The following MYO10 variants were observed in gnomAD, a reference collection of about 807,000 sequenced individuals.
MYO10 encodes unconventional myosin-X.
A neutral mutation model predicts 257.3 loss-of-function variants in MYO10; 133 were observed. The ratio of observed to expected loss-of-function variants is 0.52; its 90% CI spans 0.45 to 0.60. MYO10 has a LOEUF of 0.60. MYO10 is among the 20% of genes least tolerant of loss of function. The pLI is 0.00. For missense variants in MYO10, 2,399 were observed against 2,635.7 expected, an observed-to-expected ratio of 0.91 and a Z score of 1.97; for synonymous variants, 1,104 against 1,028.6, an observed-to-expected ratio of 1.07 and a Z score of -1.40.
At chr5:16,862,257 G>A (rs1744128912) in intron 2 of MYO10, among the ~76,000 whole-genome samples, 1 of 152,198 alleles carries the variant, frequency 6.6e-6, no homozygotes, top group Admixed American at 6.5e-5. Flanking sequence ...CATCATCCCT[G>A]CCCTCAGTGC....
chr5:16,868,268 T>G (rs551268607), intron 2 of MYO10, among the ~76,000 whole-genome samples: 4 of 152,226 alleles, frequency 2.6e-5, no homozygotes, highest in Non-Finnish European at 5.9e-5. Context: ...CTTCTTACCC[T>G]TTTACATGAG....
chr5:16,748,555 C>T (rs187883097), intron 19 of MYO10, among the ~76,000 whole-genome samples: 4 of 119,362 alleles, frequency 3.4e-5, no homozygotes, highest in African/African-American at 9.5e-5. Context: ...TGCTCCTGGT[C>T]AGGTCTGAAA....
chr5:16,756,214 A>G (rs1212851032), intron 18 of MYO10, among the ~76,000 whole-genome samples: 2 of 152,124 alleles, frequency 1.3e-5, no homozygotes, highest in Non-Finnish European at 2.9e-5. Flanking sequence ...CTGGGAATAC[A>G]AGGGCATGCC....
chr5:16,871,161 C>T (rs1006844678), intron 2 of MYO10, among the ~76,000 whole-genome samples: 1 of 152,174 alleles, frequency 6.6e-6, no homozygotes, highest in Non-Finnish European at 1.5e-5. Flanking sequence ...AACAATATCC[C>T]CATTAAACAG....
In MYO10 at chr5:16,666,801, G is replaced by C. The variant is rs755395586; in HGVS notation, c.6076-8C>G. The C allele has an allele frequency of 7.6e-6, 12 of 1,588,744 alleles. No individual in the cohort carries two copies. The highest frequency in any genetic ancestry group is 1.0e-5 in the Non-Finnish European group (12 of 1,169,028). ...CTTGGCCACATCCACCACCTGCCCA[G>C]GGGGAAGCAGAACCGACACAGCGTC... On this transcript the variant is annotated splice_region_variant and splice_polypyrimidine_tract_variant and intron_variant, in intron 40 of 40. Transcript: ENST00000513610.
chr5:16,931,138 G>A (rs1413731043), intron 1 of MYO10, among the ~76,000 whole-genome samples: 1 of 152,060 alleles, frequency 6.6e-6, no homozygotes, highest in Non-Finnish European at 1.5e-5. Context: ...GGGTGTGGTG[G>A]TGCATGTTTG....
chr5:16,816,184 C>G (rs1238820614), intron 3 of MYO10, among the ~76,000 whole-genome samples: 1 of 151,438 alleles, frequency 6.6e-6, no homozygotes, highest in Admixed American at 6.6e-5. Context: ...ACTGAAAATA[C>G]AAAAATTAGC....
chr5:16,702,375 G>C (rs113830423), intron 24 of MYO10, among the ~76,000 whole-genome samples, 168 bp downstream of exon 24: 1 of 152,180 alleles, frequency 6.6e-6, no homozygotes, highest in East Asian at 1.9e-4. Context: ...CATTCACTAC[G>C]CTTTACCCAA....
At chr5:16,718,893 G>GT (rs1424850106) in intron 19 of MYO10, among the ~76,000 whole-genome samples, 11 of 152,142 alleles carry the variant, frequency 7.2e-5, no homozygotes, top group Non-Finnish European at 1.3e-4. Flanking sequence ...GAGAACCTTT[G>GT]TATCTAGCTC....
intron 1 of MYO10, among the ~76,000 whole-genome samples, chr5:16,909,321 C>G (rs997230879): frequency 6.6e-6 from 1 of 152,076 alleles, no homozygotes; most frequent in African/African-American, 2.4e-5. Flanking sequence ...AGCCTGACCA[C>G]ATGGTGAAAC....
intron 19 of MYO10, among the ~76,000 whole-genome samples, chr5:16,721,120 A>G (rs1287524116): frequency 6.6e-6 from 1 of 152,202 alleles, no homozygotes; most frequent in African/African-American, 2.4e-5. Flanking sequence ...TAAAGACTCC[A>G]TAAGAATTAC....
intron 19 of MYO10, among the ~76,000 whole-genome samples, chr5:16,722,379 C>G (rs1488016784): frequency 1.3e-5 from 2 of 152,162 alleles, no homozygotes; most frequent in African/African-American, 2.4e-5. Flanking sequence ...ATCAGATACA[C>G]TCTCACTTAC....
intron 2 of MYO10, among the ~76,000 whole-genome samples, chr5:16,867,174 C>T (rs886962301): frequency 3.3e-5 from 5 of 152,214 alleles, no homozygotes; most frequent in Non-Finnish European, 7.3e-5. Flanking sequence ...TCCCTTGGCT[C>T]AGATGTCTAG....
intron 3 of MYO10, chr5:16,815,137 T>C: frequency 3.8e-6 from 1 of 262,618 alleles, no homozygotes; most frequent in Non-Finnish European, 7.1e-6. Context: ...GAGTCTAGCC[T>C]GGGCAACATA....
intron 26 of MYO10, among the ~76,000 whole-genome samples, chr5:16,695,948 G>A (rs1208463184): frequency 6.6e-6 from 1 of 152,114 alleles, no homozygotes; most frequent in Non-Finnish European, 1.5e-5. Context: ...CCTAACATAT[G>A]GCAAACTTGC....
chr5:16,876,926 G>A (rs1744621343), intron 2 of MYO10, among the ~76,000 whole-genome samples: 1 of 152,132 alleles, frequency 6.6e-6, no homozygotes, highest in Non-Finnish European at 1.5e-5. Context: ...GTGCTGTTAG[G>A]GTCTTTGGCA....
intron 19 of MYO10, among the ~76,000 whole-genome samples, chr5:16,751,159 G>A (rs764880838): frequency 3.3e-5 from 5 of 152,044 alleles, no homozygotes; most frequent in Non-Finnish European, 7.4e-5. Flanking sequence ...AGGAGAAACC[G>A]TCTCATCCCT....
chr5:16,920,016 C>G (rs1176302448), intron 1 of MYO10, among the ~76,000 whole-genome samples: 1 of 152,162 alleles, frequency 6.6e-6, no homozygotes, highest in African/African-American at 2.4e-5. Context: ...GAGGCTGAGG[C>G]AGGAGAATCA....
intron 11 of MYO10, among the ~76,000 whole-genome samples, chr5:16,764,653 AACCATAT>A: frequency 6.6e-6 from 1 of 152,188 alleles, no homozygotes; most frequent in Non-Finnish European, 1.5e-5. Flanking sequence ...AAAGAATCTA[AACCATAT>A]ATACAGGTAC....
Sources: gnomAD v4.1 joint callset for allele counts (sites outside exome capture counted in the v4.1 genomes callset) on GRCh38, gnomAD v4.1.1 for gene constraint, MANE v1.5 for transcripts, NCBI Gene and HGNC (gene_info 2026-07-23, HGNC 2026-07-21) for gene names.